COG3: variants seen among roughly 807,000 people sequenced by gnomAD.
COG3 encodes the protein conserved oligomeric Golgi complex subunit 3.
COG3 carries 32 observed loss-of-function variants against 114.1 expected under a neutral mutation model. The ratio of observed to expected loss-of-function variants is 0.28; its 90% CI spans 0.21 to 0.38. The LOEUF (loss-of-function observed/expected upper bound fraction) is 0.38, where lower values mean the gene tolerates loss of function less well. Among genes scored for constraint, COG3 ranks in the 10% least tolerant of loss-of-function variants. The pLI is 1.00. For missense variants in COG3, 813 were observed against 973.2 expected, an observed-to-expected ratio of 0.84 and a Z score of 2.19; for synonymous variants, 352 against 365.7, an observed-to-expected ratio of 0.96 and a Z score of 0.43.
In COG3 at chr13:45,535,549, T is replaced by C. The variant is rs1207085954; in HGVS notation, c.*818T>C. On this transcript the variant is annotated 3_prime_UTR_variant, in exon 23 of 23. Transcript: ENST00000349995. ...GGAGAGAAGGAAACCTGAGGAGTAG[T>C]GTTCCTCCTGAATGAAGGTTCAGGT... The C allele has an allele frequency of 1.3e-5, 13 of 985,576 alleles. No individual in the cohort carries two copies. The East Asian group carries it at 4.5e-4, about 34-fold the overall frequency. The allele number at this position is 985,576 out of a possible 1,614,324, so 61.1% of individuals were successfully genotyped here. A position where few individuals can be genotyped will look rare whatever the true frequency, so the allele number is the denominator to read the frequency against.
chr13:45,483,637 C>T (rs539454948), intron 7 of COG3, among the ~76,000 whole-genome samples: 34 of 152,144 alleles, frequency 2.2e-4, no homozygotes, highest in African/African-American at 8.2e-4. Flanking sequence ...TAAAACATTC[C>T]TTTTCTATCT....
chr13:45,500,276 T>A (rs1026932864), intron 13 of COG3, among the ~76,000 whole-genome samples: 7 of 152,174 alleles, frequency 4.6e-5, no homozygotes, highest in Admixed American at 2.0e-4. Flanking sequence ...TTAAATTTTT[T>A]AAAAATGTAA....
At chr13:45,524,095 A>G (rs756671130) in intron 19 of COG3, among the ~76,000 whole-genome samples, 3 of 152,192 alleles carry the variant, frequency 2.0e-5, no homozygotes, top group Non-Finnish European at 2.9e-5. Flanking sequence ...ATCCAAGTCA[A>G]CATTATACCC....
At chr13:45,529,094 C>T (rs776157051) in intron 20 of COG3, among the ~76,000 whole-genome samples, 2 of 152,162 alleles carry the variant, frequency 1.3e-5, no homozygotes, top group South Asian at 4.1e-4. Flanking sequence ...CTGTAAATAT[C>T]TCACTGCTTT....
chr13:45,529,545 G>A (rs1353533464), intron 20 of COG3, among the ~76,000 whole-genome samples: 1 of 151,754 alleles, frequency 6.6e-6, no homozygotes, highest in Admixed American at 6.6e-5. Flanking sequence ...CCTGAAGCAT[G>A]CTAGGGGAGT....
rs147330790 is a variant in COG3 at position 45,493,147 on chromosome 13, G to A, written c.1188-200G>A. On this transcript the variant is annotated intron_variant, in intron 11 of 22. Transcript: ENST00000349995. ...TTGAATTGACTGCTGTGGATTGCTT[G>A]ATTCTGAGCTTTTAAAGCAAAAACT... Among the ~76,000 whole-genome samples the A allele has an allele frequency of 7.8e-3, 1,195 of 152,250 alleles. 19 individuals are homozygous for A. Among genetic ancestry groups the A allele is most frequent in the African/African-American group, 0.027 (1,125 of 41,560 alleles).
chr13:45,527,392 A>G (rs1161551737), intron 20 of COG3, among the ~76,000 whole-genome samples: 1 of 152,194 alleles, frequency 6.6e-6, no homozygotes, highest in Non-Finnish European at 1.5e-5. Flanking sequence ...TTTATCTTGT[A>G]GTTGTATCTT....
intron 16 of COG3, 153 bp downstream of exon 16, chr13:45,512,007 C>T: frequency 1.6e-6 from 1 of 620,296 alleles, no homozygotes; most frequent in Non-Finnish European, 2.9e-6. Context: ...ACTGTTATTT[C>T]ATTATAGTGC....
chr13:45,468,793 G>A (rs555610886), intron 1 of COG3, among the ~76,000 whole-genome samples: 1 of 152,188 alleles, frequency 6.6e-6, no homozygotes, highest in Non-Finnish European at 1.5e-5. Context: ...TCTCTCTCTA[G>A]TGGTGTCTGT....
At chr13:45,508,399 TATATACACAC>T (rs1434473758) in intron 14 of COG3, among the ~76,000 whole-genome samples, 1 of 99,232 alleles carries the variant, frequency 1.0e-5, no homozygotes, top group African/African-American at 5.3e-5. Flanking sequence ...TATATATATA[TATATACACAC>T]ACACACACAC....
At chr13:45,500,109 TATATATAA>T (rs1459195434) in intron 13 of COG3, among the ~76,000 whole-genome samples, 14 of 18,176 alleles carry the variant, frequency 7.7e-4, no homozygotes, top group Admixed American at 1.2e-3. Flanking sequence ...TATATATATA[TATATATAA>T]AAAAGAGGCC....
At chr13:45,468,095 A>G (rs1342414416) in intron 1 of COG3, among the ~76,000 whole-genome samples, 1 of 152,198 alleles carries the variant, frequency 6.6e-6, no homozygotes, top group East Asian at 1.9e-4. Context: ...TGAGGGGCCT[A>G]TTTCTTTCTG....
intron 14 of COG3, 49 bp downstream of exon 14, chr13:45,503,398 A>C (rs764323676): frequency 9.9e-7 from 1 of 1,011,410 alleles, no homozygotes; most frequent in South Asian, 1.3e-5. Flanking sequence ...TGGGTTAACA[A>C]ACCTTTACTG....
Position 45,536,251 on chromosome 13 carries a change from TTA to T in COG3, c.*1524_*1525del, listed in dbSNP as rs1178176494. 2 of 152,256 alleles carry T rather than the reference TTA, an allele frequency of 1.3e-5. No homozygotes were observed. Among genetic ancestry groups the T allele is most frequent in the Non-Finnish European group, 2.9e-5 (2 of 68,048 alleles). 9.4% of individuals were successfully genotyped at this position (152,256 alleles called of 1,614,324 possible). ...ACTGTAAAATATCCAGTTTTGTGTA[TTA>T]TATGTACATTTGATTTTTAATAGCC... is the stretch of plus-strand genomic sequence containing the variant. On this transcript the variant is annotated 3_prime_UTR_variant, in exon 23 of 23. Transcript: ENST00000349995.
chr13:45,522,247 T>C (rs566553779), intron 19 of COG3, among the ~76,000 whole-genome samples: 1 of 152,320 alleles, frequency 6.6e-6, no homozygotes, highest in South Asian at 2.1e-4. Context: ...GTAAGGCTCA[T>C]CAACAAAATG....
chr13:45,513,264 A>G (rs1284198351), intron 16 of COG3, among the ~76,000 whole-genome samples: 1 of 45,920 alleles, frequency 2.2e-5, no homozygotes, highest in South Asian at 7.0e-4. Context: ...ATATATACAT[A>G]TAAATTATAT....
chr13:45,530,010 A>G (rs1873027671), intron 21 of COG3, 92 bp downstream of exon 21: 1 of 1,414,970 alleles, frequency 7.1e-7, no homozygotes, highest in East Asian at 2.4e-5. Flanking sequence ...AGACATTTAG[A>G]AATGTTGGTA....
chr13:45,534,797 C>G lies in COG3; in HGVS notation c.*66C>G. On this transcript the variant is annotated 3_prime_UTR_variant, in exon 23 of 23. Coordinates refer to ENST00000349995, the MANE Select transcript of COG3 (RefSeq NM_031431.4). ...GGAGCAGGCTGAGAAGTCTTGCAGT[C>G]TGCAGGACACCGAGGAATCGTATGT... 1 of 1,510,768 alleles carries G rather than the reference C, an allele frequency of 6.6e-7. No individual in the cohort carries two copies. The highest frequency in any genetic ancestry group is 8.8e-7 in the Non-Finnish European group (1 of 1,131,156). 93.6% of individuals were successfully genotyped at this position (1,510,768 alleles called of 1,614,324 possible).
At chr13:45,483,394 T>C (rs1193280158) in intron 7 of COG3, 39 bp downstream of exon 7, 1 of 1,487,654 alleles carries the variant, frequency 6.7e-7, no homozygotes, top group South Asian at 1.4e-5. Flanking sequence ...TTTGTTATTG[T>C]TGTTGTTTTG....
Sources: gnomAD v4.1 joint callset for allele counts (sites outside exome capture counted in the v4.1 genomes callset) on GRCh38, gnomAD v4.1.1 for gene constraint, MANE v1.5 for transcripts, NCBI Gene and HGNC (gene_info 2026-07-23, HGNC 2026-07-21) for gene names.